ANKS1B: variants seen among roughly 807,000 people sequenced by gnomAD.
The protein encoded by ANKS1B is ankyrin repeat and sterile alpha motif domain containing 1B.
In ANKS1B, 36 loss-of-function variants were observed where a neutral mutation model predicts 148.3. That is an observed-to-expected ratio of 0.24 (90% CI 0.19 to 0.32). ANKS1B has a LOEUF of 0.32. Among genes scored for constraint, ANKS1B ranks in the 10% least tolerant of loss-of-function variants. The pLI is 1.00. For missense variants in ANKS1B, 1,157 were observed against 1,542.6 expected, an observed-to-expected ratio of 0.75 and a Z score of 4.19; for synonymous variants, 542 against 560.8, an observed-to-expected ratio of 0.97 and a Z score of 0.47.
intron 17 of ANKS1B, among the ~76,000 whole-genome samples, chr12:98,905,319 G>A (rs1377032884): frequency 3.9e-5 from 6 of 152,156 alleles, no homozygotes; most frequent in African/African-American, 1.2e-4. Context: ...GCTCTGAAAC[G>A]TTCTTTCCTT....
chr12:99,242,698 T>C (rs2089572351), intron 14 of ANKS1B, among the ~76,000 whole-genome samples: 2 of 152,124 alleles, frequency 1.3e-5, no homozygotes, highest in South Asian at 2.1e-4. Context: ...AACAGATATA[T>C]AGACCAATGG....
Position 99,979,790 on chromosome 12 carries a change from A to T in ANKS1B, c.134+4314T>A, listed in dbSNP as rs191451207. Among the ~76,000 whole-genome samples, 652 of 152,214 alleles carry T rather than the reference A, an allele frequency of 4.3e-3. 5 individuals carry two copies. The highest frequency in any genetic ancestry group is 7.1e-3 in the Admixed American group (109 of 15,282). On this transcript the variant is annotated intron_variant, in intron 1 of 26. Coordinates refer to ENST00000683438, the MANE Select transcript of ANKS1B (RefSeq NM_001352186.2). ...AAATACCTCACAATATTCTCACAGG[A>T]ACAATGGAGAGAAATAGCTGATTGT...
intron 21 of ANKS1B, 119 bp downstream of exon 21, chr12:98,800,878 T>A: frequency 7.9e-7 from 1 of 1,261,576 alleles, no homozygotes. Flanking sequence ...GAAAAACATT[T>A]TAAAAATTTC....
Position 99,775,559 on chromosome 12 carries a change from T to A in ANKS1B, c.950A>T (p.Gln317Leu). The A allele has an allele frequency of 6.2e-7, 1 of 1,612,582 alleles. No individual in the cohort carries two copies. Among genetic ancestry groups the A allele is most frequent in the Non-Finnish European group, 8.5e-7 (1 of 1,178,814 alleles). ...AATTAGGTACTCACTTTTGGTCTTT[T>A]GGGAAGGAGACTCAACAGGAGATGA... ...HISSPVESPS[Q>L]KTKSETVTGE... The change falls in exon 7 of 27, where the codon CAA (glutamine) becomes CTA (leucine). Residue 317 changes from glutamine (Q) to leucine (L), a missense_variant. Transcript: ENST00000683438.
At chr12:99,234,391 T>A (rs57040323) in intron 14 of ANKS1B, among the ~76,000 whole-genome samples, 1 of 152,096 alleles carries the variant, frequency 6.6e-6, no homozygotes, top group Non-Finnish European at 1.5e-5. Flanking sequence ...CTGGTACCAA[T>A]TGACTGGTGC....
intron 14 of ANKS1B, among the ~76,000 whole-genome samples, chr12:99,239,831 A>C (rs1426156310): frequency 6.6e-6 from 1 of 152,220 alleles, no homozygotes; most frequent in Non-Finnish European, 1.5e-5. Context: ...TTCATAAATG[A>C]AGGAGAAATA....
intron 17 of ANKS1B, among the ~76,000 whole-genome samples, chr12:98,929,999 A>C (rs955869328): frequency 1.3e-5 from 2 of 152,146 alleles, no homozygotes; most frequent in African/African-American, 4.8e-5. Flanking sequence ...GTAAAAATAC[A>C]ATCCACAAAA....
At chr12:98,783,585 G>A (rs578232332) in intron 22 of ANKS1B, among the ~76,000 whole-genome samples, 1 of 152,230 alleles carries the variant, frequency 6.6e-6, no homozygotes, top group Admixed American at 6.5e-5. Flanking sequence ...AGACAATGAC[G>A]GCCTATTAGG....
rs561258090 is a variant in ANKS1B, at chr12:99,089,236, T to C, written c.2527-4213A>G. Among the ~76,000 whole-genome samples the C allele has an allele frequency of 5.3e-5, 8 of 152,150 alleles. No homozygotes were observed. The South Asian group carries it at 1.5e-3, about 28-fold the overall frequency. On this transcript the variant is annotated intron_variant, in intron 15 of 26. Transcript: ENST00000683438. ...GCAGAGCTCCGTCATGTCCATCTTCTGTTTAGTCATCTACTACACTGCACT... is the reference window on the plus strand; with the variant it reads ...GCAGAGCTCCGTCATGTCCATCTTCCGTTTAGTCATCTACTACACTGCACT...
chr12:98,745,554 G>GC lies in ANKS1B; in HGVS notation c.*184dup. On this transcript the variant is annotated 3_prime_UTR_variant, in exon 27 of 27. Coordinates refer to ENST00000683438, the MANE Select transcript of ANKS1B (RefSeq NM_001352186.2). ...TCAGGGGTTGCGACTGGAAAGTCTT[G>GC]CGTTTTCCATCACTGGTGCAGAAAG... The GC allele has an allele frequency of 2.2e-6, 3 of 1,373,200 alleles. No individual in the cohort carries two copies. The highest frequency in any genetic ancestry group is 2.8e-6 in the Non-Finnish European group (3 of 1,061,928). The allele number at this position is 1,373,200 out of a possible 1,614,324, so 85.1% of individuals were successfully genotyped here.
chr12:99,884,480 A>T (rs1434711692), intron 1 of ANKS1B, among the ~76,000 whole-genome samples: 1 of 152,226 alleles, frequency 6.6e-6, no homozygotes, highest in African/African-American at 2.4e-5. Context: ...ATTCATAAAT[A>T]AAAAATGCAT....
intron 8 of ANKS1B, among the ~76,000 whole-genome samples, chr12:99,735,292 G>C (rs933996011): frequency 3.9e-5 from 6 of 151,944 alleles, no homozygotes; most frequent in African/African-American, 1.4e-4. Flanking sequence ...AAATGAAATA[G>C]AGACCACAAA....
At chr12:99,169,746 T>TA (rs1221888570) in intron 14 of ANKS1B, among the ~76,000 whole-genome samples, 1 of 152,232 alleles carries the variant, frequency 6.6e-6, no homozygotes, top group African/African-American at 2.4e-5. Context: ...AGTAAACTAG[T>TA]AGTACTATTG....
At chr12:99,467,264 A>T (rs2096137421) in intron 10 of ANKS1B, among the ~76,000 whole-genome samples, 1 of 152,174 alleles carries the variant, frequency 6.6e-6, no homozygotes, top group African/African-American at 2.4e-5. Flanking sequence ...AACTCTCAAT[A>T]AATTAGGTAT....
rs117139271 is a variant in ANKS1B, at chr12:98,782,383, A to T, written c.3343-246T>A. Among the ~76,000 whole-genome samples the T allele has an allele frequency of 9.1e-3, 1,386 of 152,296 alleles. 10 individuals carry two copies. The highest frequency in any genetic ancestry group is 0.014 in the Middle Eastern group (4 of 294). On this transcript the variant is annotated intron_variant, in intron 22 of 26. Coordinates refer to ENST00000683438, the MANE Select transcript of ANKS1B (RefSeq NM_001352186.2). Reference sequence around the variant, plus strand: ...CTCATCATTCTGTTTACTGCACCGCACAGTCTTAGGACTGACACACAAGAA... The same window carrying T: ...CTCATCATTCTGTTTACTGCACCGCTCAGTCTTAGGACTGACACACAAGAA...
chr12:98,924,757 A>G (rs2099805919), intron 17 of ANKS1B, among the ~76,000 whole-genome samples: 1 of 152,206 alleles, frequency 6.6e-6, no homozygotes, highest in Admixed American at 6.5e-5. Context: ...TTCAGAATCA[A>G]GGCTGTCTTC....
At chr12:99,026,951 ATGCGGGG>A (rs1568428838) in intron 17 of ANKS1B, among the ~76,000 whole-genome samples, 2 of 152,236 alleles carry the variant, frequency 1.3e-5, no homozygotes, top group African/African-American at 4.8e-5. Context: ...AGTTAAAGAA[ATGCGGGG>A]ATGAATCCTT....
At chr12:99,748,953 T>C (rs2060851621) in intron 8 of ANKS1B, among the ~76,000 whole-genome samples, 1 of 152,120 alleles carries the variant, frequency 6.6e-6, no homozygotes. Context: ...TGTAAAAGCC[T>C]AGGCTGCAAC....
chr12:99,307,260 C>T (rs1262640731), intron 12 of ANKS1B, among the ~76,000 whole-genome samples: 1 of 151,960 alleles, frequency 6.6e-6, no homozygotes, highest in Non-Finnish European at 1.5e-5. Flanking sequence ...AGTCTCTTTT[C>T]AGGGAGGAAA....
Sources: allele counts gnomAD v4.1 joint callset (sites outside exome capture counted in the v4.1 genomes callset), GRCh38; gene constraint gnomAD v4.1.1; transcripts MANE v1.5; gene names NCBI Gene and HGNC (gene_info 2026-07-23, HGNC 2026-07-21).